MYO1E: variants seen among roughly 807,000 people sequenced by gnomAD.
MYO1E encodes the protein unconventional myosin-Ie.
In MYO1E, 68 loss-of-function variants were observed where a neutral mutation model predicts 151.1. That is an observed-to-expected ratio of 0.45 (90% CI 0.37 to 0.55). The LOEUF is 0.55. Ranked by LOEUF, MYO1E falls within the 20% of genes least tolerant of loss-of-function variation. MYO1E has a pLI of 0.00. For synonymous variants in MYO1E, 601 were observed against 501.7 expected (o/e 1.20, Z -2.64); for missense variants, 1,363 against 1,389.3 (o/e 0.98, Z 0.30).
intron 1 of MYO1E, among the ~76,000 whole-genome samples, chr15:59,335,939 T>C (rs112192749): frequency 5.3e-5 from 8 of 151,920 alleles, no homozygotes; most frequent in African/African-American, 1.9e-4. Context: ...AACCCGGCTG[T>C]GTGCTGTGGG....
At chr15:59,260,537 A>C (rs1379245082) in intron 3 of MYO1E, among the ~76,000 whole-genome samples, 3 of 152,198 alleles carry the variant, frequency 2.0e-5, no homozygotes, top group Non-Finnish European at 4.4e-5. Context: ...GAAAGGAAAA[A>C]GATGCAGAGA....
chr15:59,268,889 C>T (rs2080273818), intron 2 of MYO1E, among the ~76,000 whole-genome samples: 1 of 151,178 alleles, frequency 6.6e-6, no homozygotes, highest in Admixed American at 6.6e-5. Flanking sequence ...GGAGTGAGGC[C>T]GCCTGGAGTT....
At chr15:59,338,127 T>C (rs1245985469) in intron 1 of MYO1E, among the ~76,000 whole-genome samples, 1 of 151,450 alleles carries the variant, frequency 6.6e-6, no homozygotes, top group Non-Finnish European at 1.5e-5. Context: ...GACAACTGCA[T>C]TGTGAGGCAA....
At chr15:59,218,375 C>A in intron 9 of MYO1E, 1 of 544,448 alleles carries the variant, frequency 1.8e-6, no homozygotes, top group Non-Finnish European at 3.5e-6. Context: ...AAACCTATCC[C>A]TCCTACTGAG....
At chr15:59,303,876 C>T (rs930132275) in intron 1 of MYO1E, among the ~76,000 whole-genome samples, 3 of 152,098 alleles carry the variant, frequency 2.0e-5, no homozygotes, top group Non-Finnish European at 4.4e-5. Flanking sequence ...TATAATGGCC[C>T]GTTTCCTGGA....
intron 1 of MYO1E, among the ~76,000 whole-genome samples, chr15:59,367,759 T>C (rs1596446277): frequency 6.6e-6 from 1 of 152,204 alleles, no homozygotes. Flanking sequence ...AGACTTACAA[T>C]AAAGTGGCTG....
intron 1 of MYO1E, among the ~76,000 whole-genome samples, chr15:59,275,491 T>C (rs1236995073): frequency 4.6e-5 from 7 of 152,048 alleles, no homozygotes; most frequent in African/African-American, 1.7e-4. Context: ...TCATTCAACC[T>C]TCACAACCAT....
chr15:59,148,435 G>C (rs1259040563), intron 26 of MYO1E, among the ~76,000 whole-genome samples: 3 of 152,130 alleles, frequency 2.0e-5, no homozygotes, highest in Non-Finnish European at 4.4e-5. Context: ...TCACCTCTTT[G>C]TTCTGCAGAT....
At position 59,166,041 on chromosome 15, in the gene MYO1E, T is replaced by C. The variant is rs577699570; in HGVS notation, c.2481-2738A>G. On this transcript the variant is annotated intron_variant, in intron 22 of 27. Transcript: ENST00000288235. ...TTAGATTTATTAGGAGTTTCATTAC[T>C]ATTATAACGAAAAAAGCAAGCAGGC... 6.6e-5 allele frequency among the ~76,000 whole-genome samples: 10 copies of C among 152,336 alleles called. No homozygotes were observed. The South Asian group carries it at 1.9e-3, about 28-fold the overall frequency.
intron 26 of MYO1E, 82 bp from the exon 27 acceptor site, chr15:59,138,449 G>T: frequency 6.8e-7 from 1 of 1,466,252 alleles, no homozygotes; most frequent in Non-Finnish European, 9.5e-7. Flanking sequence ...ATGGCGGCCG[G>T]CACTGGCCTG....
chr15:59,346,814 G>T (rs1341974793), intron 1 of MYO1E, among the ~76,000 whole-genome samples: 1 of 152,044 alleles, frequency 6.6e-6, no homozygotes, highest in Non-Finnish European at 1.5e-5. Flanking sequence ...CTACTCAGGA[G>T]GCTGAGATGG....
chr15:59,318,577 T>G (rs909441658), intron 1 of MYO1E, among the ~76,000 whole-genome samples: 1 of 152,220 alleles, frequency 6.6e-6, no homozygotes, highest in Non-Finnish European at 1.5e-5. Context: ...TCTAGAAGAC[T>G]TGCATTGCCA....
chr15:59,253,901 C>CTTTTTTTT (rs34819314), intron 4 of MYO1E, among the ~76,000 whole-genome samples: 11 of 135,816 alleles, frequency 8.1e-5, no homozygotes, highest in Non-Finnish European at 1.1e-4. Flanking sequence ...GACAAACAAC[C>CTTTTTTTT]TTTTTTTTTT....
chr15:59,211,717 C>T (rs1337413242), intron 12 of MYO1E, among the ~76,000 whole-genome samples: 1 of 152,118 alleles, frequency 6.6e-6, no homozygotes, highest in Non-Finnish European at 1.5e-5. Context: ...GCCCTGTTAT[C>T]CAGGGTATAA....
At chr15:59,326,430 C>T (rs184835313) in intron 1 of MYO1E, among the ~76,000 whole-genome samples, 3 of 152,006 alleles carry the variant, frequency 2.0e-5, no homozygotes, top group South Asian at 2.1e-4. Context: ...GGCTGAGGCA[C>T]GGGAATTGCT....
At chr15:59,249,772 T>C (rs1403594143) in intron 4 of MYO1E, among the ~76,000 whole-genome samples, 2 of 152,020 alleles carry the variant, frequency 1.3e-5, no homozygotes, top group African/African-American at 2.4e-5. Flanking sequence ...AAGAAAATGG[T>C]TTTTTCGTTT....
At chr15:59,214,345 C>A (rs371720503) in intron 11 of MYO1E, 31 bp from the exon 12 acceptor site, 2 of 1,480,140 alleles carry the variant, frequency 1.4e-6, no homozygotes, top group Non-Finnish European at 1.9e-6. Context: ...ACATGTAATT[C>A]TTTCACAAAA....
chr15:59,142,347 A>AG (rs2079415291), intron 26 of MYO1E, among the ~76,000 whole-genome samples: 1 of 152,154 alleles, frequency 6.6e-6, no homozygotes, highest in African/African-American at 2.4e-5. Flanking sequence ...GCTTAGATAC[A>AG]GGGTCCTCCT....
intron 17 of MYO1E, among the ~76,000 whole-genome samples, chr15:59,194,099 G>A (rs35227552): frequency 0.27 from 41,546 of 151,858 alleles, 6,204 homozygotes; most frequent in East Asian, 0.58. Flanking sequence ...ACTGGAAACC[G>A]GGAGGCAGAG....
Sources: allele counts gnomAD v4.1 joint callset (sites outside exome capture counted in the v4.1 genomes callset), GRCh38; gene constraint gnomAD v4.1.1; transcripts MANE v1.5; gene names NCBI Gene and HGNC (gene_info 2026-07-23, HGNC 2026-07-21).